The following CACNA1C variants were observed in gnomAD, a reference collection of about 807,000 sequenced individuals.
CACNA1C encodes the protein voltage-dependent L-type calcium channel subunit alpha-1C.
Under a neutral mutation model 229.0 loss-of-function variants are expected in CACNA1C, and 30 were observed. That is an observed-to-expected ratio of 0.13 (90% CI 0.10 to 0.18). CACNA1C has a LOEUF of 0.18. Among genes scored for constraint, CACNA1C ranks in the 10% least tolerant of loss-of-function variants. The pLI is 1.00. For synonymous variants in CACNA1C, 1,114 were observed against 1,132.5 expected (o/e 0.98, Z 0.33); for missense variants, 1,658 against 2,845.0 (o/e 0.58, Z 9.49).
At chr12:2,423,464 A>G (rs1183151279) in intron 3 of CACNA1C, among the ~76,000 whole-genome samples, 1 of 152,142 alleles carries the variant, frequency 6.6e-6, no homozygotes, top group Non-Finnish European at 1.5e-5. Flanking sequence ...CATCGGTAGG[A>G]TGGGGTAATA....
chr12:2,515,675 C>G (rs900301290), intron 9 of CACNA1C, among the ~76,000 whole-genome samples: 3 of 152,098 alleles, frequency 2.0e-5, no homozygotes, highest in African/African-American at 7.2e-5. Flanking sequence ...GGGCTGAGTG[C>G]AGTGCAGGAG....
intron 3 of CACNA1C, among the ~76,000 whole-genome samples, chr12:2,158,279 G>T (rs1210920865): frequency 1.3e-5 from 2 of 152,170 alleles, no homozygotes; most frequent in Non-Finnish European, 2.9e-5. Flanking sequence ...AGGGACAATT[G>T]GATCTTACAA....
chr12:2,180,249 G>A (rs2096794479), intron 3 of CACNA1C, among the ~76,000 whole-genome samples: 1 of 152,054 alleles, frequency 6.6e-6, no homozygotes, highest in Non-Finnish European at 1.5e-5. Context: ...TGAAGAGAAA[G>A]AACCCTTTCT....
rs997851576 is a variant in CACNA1C at position 2,215,896 on chromosome 12, G to A, written c.477+95466G>A. ...TGCTGCCACCAGTGTGACATCAGCCGTGGTTGTGAAATTTCTGACAAAGAT... is the reference window on the plus strand; with the variant it reads ...TGCTGCCACCAGTGTGACATCAGCCATGGTTGTGAAATTTCTGACAAAGAT... On this transcript the variant is annotated intron_variant, in intron 3 of 46. Coordinates refer to ENST00000399655, the MANE Select transcript of CACNA1C (RefSeq NM_000719.7). The surrounding 1 kb of genome is among the most constrained non-coding windows in gnomAD (Gnocchi z 5.0). Among the ~76,000 whole-genome samples, 10 of 152,316 alleles carry A rather than the reference G, an allele frequency of 6.6e-5. No homozygotes were observed. Among genetic ancestry groups the A allele is most frequent in the Admixed American group, 2.6e-4 (4 of 15,304 alleles).
At chr12:2,684,742 A>G (rs576861681) in intron 43 of CACNA1C, among the ~76,000 whole-genome samples, 18 of 152,354 alleles carry the variant, frequency 1.2e-4, no homozygotes, top group East Asian at 1.2e-3. Flanking sequence ...TGCAAGAGCC[A>G]GGGTGATTTG....
At chr12:2,008,164 C>T (rs1257099445) in intron 1 of CACNA1C, among the ~76,000 whole-genome samples, 1 of 152,056 alleles carries the variant, frequency 6.6e-6, no homozygotes, top group Admixed American at 6.5e-5. Flanking sequence ...GTCGCTCAGG[C>T]TGGAGTGCAG....
rs1380627924 is a variant in CACNA1C at position 2,665,481 on chromosome 12, T to C, written c.4399-100T>C. 7.7e-7 allele frequency: 1 copy of C among 1,291,040 alleles called. No individual in the cohort carries two copies. Among genetic ancestry groups the C allele is most frequent in the Non-Finnish European group, 1.1e-6 (1 of 905,238 alleles). The allele number at this position is 1,291,040 out of a possible 1,614,324, so 80.0% of individuals were successfully genotyped here. ...GATGGATGACTGGTCTTTAGAAATG[T>C]TGGCTTCTGCCATCAGTAGGCCCCA... is the stretch of plus-strand genomic sequence containing the variant. On this transcript the variant is annotated intron_variant, in intron 35 of 46. Coordinates refer to ENST00000399655, the MANE Select transcript of CACNA1C (RefSeq NM_000719.7). This position sits in a 1 kb window ranked among gnomAD's most constrained non-coding sequence, Gnocchi z 5.9.
At chr12:2,325,830 C>G (rs541829185) in intron 3 of CACNA1C, among the ~76,000 whole-genome samples, 1 of 152,228 alleles carries the variant, frequency 6.6e-6, no homozygotes, top group African/African-American at 2.4e-5. Flanking sequence ...ACGAGCTCTG[C>G]GGACAGCAGG....
At chr12:2,011,107 C>T (rs1210500244) in intron 1 of CACNA1C, 1 of 138,350 alleles carries the variant, frequency 7.2e-6, no homozygotes, top group Admixed American at 7.9e-5. Context: ...ACCAAGATTG[C>T]ACCACTGCAC....
At chr12:2,526,640 C>T (rs2099818927) in intron 9 of CACNA1C, among the ~76,000 whole-genome samples, 1 of 152,218 alleles carries the variant, frequency 6.6e-6, no homozygotes. Flanking sequence ...AGTCATCCCT[C>T]CTCAAAGGAA....
chr12:2,380,029 T>TAAAAAAAA (rs1187472527), intron 3 of CACNA1C, among the ~76,000 whole-genome samples: 1 of 57,594 alleles, frequency 1.7e-5, no homozygotes, highest in African/African-American at 6.4e-5. Context: ...AGACTCCGTC[T>TAAAAAAAA]CAAAAAAAAA....
At chr12:2,690,768 G>A (rs1366959646) in intron 46 of CACNA1C, 132 bp from the exon 47 acceptor site, 19 of 839,614 alleles carry the variant, frequency 2.3e-5, no homozygotes, top group Middle Eastern at 3.7e-4. Context: ...ACACACACAC[G>A]TACACGTGCA....
At position 2,221,664 on chromosome 12, in the gene CACNA1C, C is replaced by A. The variant is rs982934914; in HGVS notation, c.477+101234C>A. The A allele has an allele frequency of 6.6e-5, 10 of 152,212 alleles. No individual in the cohort carries two copies. In the East Asian group the frequency reaches 1.5e-3, roughly 23 times the overall value. The allele number at this position is 152,212 out of a possible 1,614,324, so 9.4% of individuals were successfully genotyped here. ...TTCAAAGGCTTCAAAATGCTCATTT[C>A]TTTTGGTTCAGCAAGTCCATAGGAT... On this transcript the variant is annotated intron_variant, in intron 3 of 46. Transcript: ENST00000399655.
chr12:2,585,774 A>G lies in CACNA1C; in HGVS notation c.2461-61A>G. The G allele has an allele frequency of 7.9e-7, 1 of 1,273,220 alleles. No homozygotes were observed. Among genetic ancestry groups the G allele is most frequent in the Non-Finnish European group, 1.1e-6 (1 of 886,054 alleles). 78.9% of individuals were successfully genotyped at this position (1,273,220 alleles called of 1,614,324 possible). On this transcript the variant is annotated intron_variant, in intron 17 of 46. Transcript: ENST00000399655. This position sits in a 1 kb window ranked among gnomAD's most constrained non-coding sequence, Gnocchi z 4.1. ...AAAATGCAACTTCAAGGCTACTGCA[A>G]GCCTCTTAACTTGGGGACGTATCTA...
chr12:2,176,954 G>A (rs2096663940), intron 3 of CACNA1C, among the ~76,000 whole-genome samples: 1 of 152,202 alleles, frequency 6.6e-6, no homozygotes. Context: ...CTCAGCATTT[G>A]TGGTGGGATC....
chr12:2,545,291 C>T (rs1392376470), intron 9 of CACNA1C, among the ~76,000 whole-genome samples: 1 of 147,130 alleles, frequency 6.8e-6, no homozygotes, highest in African/African-American at 2.5e-5. Flanking sequence ...CTTCAAATGC[C>T]TAACAACCAT....
chr12:2,635,382 A>G (rs907169671), intron 30 of CACNA1C, among the ~76,000 whole-genome samples: 4 of 151,924 alleles, frequency 2.6e-5, no homozygotes, highest in Non-Finnish European at 5.9e-5. Context: ...GTGTTGTTTA[A>G]TTTTTTCGTT....
At chr12:2,422,623 A>C (rs2098990074) in intron 3 of CACNA1C, among the ~76,000 whole-genome samples, 1 of 152,190 alleles carries the variant, frequency 6.6e-6, no homozygotes. Context: ...AATTATTAAT[A>C]GTTGCCCTCT....
chr12:2,378,158 C>T lies in CACNA1C; in HGVS notation c.478-70818C>T, dbSNP rs11062207. 4.2e-3 allele frequency among the ~76,000 whole-genome samples: 639 copies of T among 152,238 alleles called. 4 individuals carry two copies. The highest frequency in any genetic ancestry group is 7.4e-3 in the Non-Finnish European group (505 of 68,006). On this transcript the variant is annotated intron_variant, in intron 3 of 46. Coordinates refer to ENST00000399655, the MANE Select transcript of CACNA1C (RefSeq NM_000719.7). ...ATGATTATAAAGTCTAGAAATAATA[C>T]GATTAACAACCACAACTGAGTAAAT...
Sources: gnomAD v4.1 joint callset for allele counts (sites outside exome capture counted in the v4.1 genomes callset) on GRCh38, gnomAD v4.1.1 for gene constraint, Gnocchi (gnomAD v3.1) non-coding constraint, MANE v1.5 for transcripts, NCBI Gene and HGNC (gene_info 2026-07-23, HGNC 2026-07-21) for gene names.